The following DNAAF9 variants were observed in gnomAD, a reference collection of about 807,000 sequenced individuals.
DNAAF9 encodes dynein axonemal assembly factor 9.
In DNAAF9, 90 loss-of-function variants were observed where a neutral mutation model predicts 167.0. The ratio of observed to expected loss-of-function variants is 0.54; its 90% CI spans 0.45 to 0.64. The LOEUF (loss-of-function observed/expected upper bound fraction) is 0.64. Ranked by LOEUF, DNAAF9 falls within the 30% of genes least tolerant of loss-of-function variation. The probability of loss-of-function intolerance (pLI) is 0.00; values close to 1 mark genes in which losing one functional copy is unlikely to be tolerated. For synonymous variants in DNAAF9, 491 were observed against 508.8 expected (o/e 0.96, Z 0.47); for missense variants, 1,315 against 1,442.2 (o/e 0.91, Z 1.43).
intron 6 of DNAAF9, among the ~76,000 whole-genome samples, chr20:3,370,544 G>T (rs1419407352): frequency 1.3e-5 from 2 of 152,062 alleles, no homozygotes. Flanking sequence ...TGAGTAGCTG[G>T]GATGACAGGT....
chr20:3,293,572 C>T (rs2069006183), intron 25 of DNAAF9, among the ~76,000 whole-genome samples: 1 of 150,530 alleles, frequency 6.6e-6, no homozygotes, highest in Non-Finnish European at 1.5e-5. Context: ...GTAATCCCAG[C>T]TACTCAGGAG....
At position 3,294,235 on chromosome 20, in the gene DNAAF9, G is replaced by A; in HGVS notation, c.2142C>T (p.Ile714=). The A allele has an allele frequency of 6.2e-7, 1 of 1,611,762 alleles. No individual in the cohort carries two copies. Among genetic ancestry groups the A allele is most frequent in the Non-Finnish European group, 8.5e-7 (1 of 1,177,876 alleles). ...ELDWFLQHFA[I]SSISQEPVMR... is the part of the protein sequence containing the mutation. ...TCACAGGCTCCTGGCTAATGCTGCT[G>A]ATGGCGAAATGCTGGAGAAACCTAA... The change falls in exon 25 of 37, where the codon ATC becomes ATT. Residue 714 remains isoleucine, a synonymous_variant. Transcript: ENST00000252032.
intron 36 of DNAAF9, among the ~76,000 whole-genome samples, chr20:3,253,016 C>T (rs2068219813): frequency 6.6e-6 from 1 of 152,222 alleles, no homozygotes; most frequent in Non-Finnish European, 1.5e-5. Context: ...GATATCACCG[C>T]AGCTGCATCC....
intron 14 of DNAAF9, 106 bp from the exon 15 acceptor site, chr20:3,322,802 T>C: frequency 1.2e-6 from 1 of 827,928 alleles, no homozygotes; most frequent in Admixed American, 1.7e-5. Flanking sequence ...GTGAGGTGTG[T>C]GTCATCCTTG....
At chr20:3,303,241 C>CAAA (rs778026384) in intron 21 of DNAAF9, among the ~76,000 whole-genome samples, 17 of 118,032 alleles carry the variant, frequency 1.4e-4, no homozygotes, top group East Asian at 4.9e-4. Flanking sequence ...GACTCTGTCT[C>CAAA]AAAAAAAAAA....
At position 3,340,596 on chromosome 20, in the gene DNAAF9, G is replaced by T; in HGVS notation, c.889C>A (p.Arg297=). The change falls in exon 10 of 37, where the codon CGA becomes AGA. Residue 297 remains arginine (R), a synonymous_variant. Transcript: ENST00000252032. ...PFVLFGNHST[R]ENLNAGNFNF... ...AAGTTGCCAGCATTCAGGTTTTCTC[G>T]TGTGGAGTGATTACCAAAGAGAACA... is the stretch of plus-strand genomic sequence containing the variant. 1.2e-6 allele frequency: 2 copies of T among 1,613,572 alleles called. No homozygotes were observed. Among genetic ancestry groups the T allele is most frequent in the Non-Finnish European group, 1.7e-6 (2 of 1,179,544 alleles).
intron 28 of DNAAF9, among the ~76,000 whole-genome samples, chr20:3,279,360 T>C (rs1451361492): frequency 4.6e-5 from 7 of 152,244 alleles, no homozygotes; most frequent in African/African-American, 1.2e-4. Context: ...TGCTTCTCTT[T>C]ATGTACATGC....
chr20:3,263,421 C>T (rs891677224), intron 31 of DNAAF9, among the ~76,000 whole-genome samples: 2 of 152,190 alleles, frequency 1.3e-5, no homozygotes, highest in African/African-American at 4.8e-5. Flanking sequence ...ACAATGTCTT[C>T]CCCTAAACCT....
At chr20:3,301,180 T>C (rs1174995969) in intron 21 of DNAAF9, among the ~76,000 whole-genome samples, 1 of 28,070 alleles carries the variant, frequency 3.6e-5, no homozygotes, top group African/African-American at 1.3e-4. Context: ...ATGCTTGGCT[T>C]TTTTTTTTTT....
intron 3 of DNAAF9, among the ~76,000 whole-genome samples, chr20:3,379,136 A>C (rs1196828697): frequency 6.6e-6 from 1 of 151,898 alleles, no homozygotes; most frequent in African/African-American, 2.4e-5. Flanking sequence ...GTAAAATGTA[A>C]CATGCCTCAA....
intron 16 of DNAAF9, among the ~76,000 whole-genome samples, chr20:3,319,451 A>T (rs1193085326): frequency 6.6e-6 from 1 of 152,138 alleles, no homozygotes; most frequent in East Asian, 1.9e-4. Context: ...TCCGGGAAGA[A>T]GCCAGCAGAA....
chr20:3,397,675 G>C (rs1373460833), intron 1 of DNAAF9, among the ~76,000 whole-genome samples: 4 of 150,496 alleles, frequency 2.7e-5, no homozygotes, highest in South Asian at 4.2e-4. Context: ...TTATATTAGT[G>C]GTTTAAATCA....
intron 6 of DNAAF9, among the ~76,000 whole-genome samples, chr20:3,371,341 T>G (rs1035382137): frequency 0.021 from 2,653 of 128,264 alleles, 81 homozygotes; most frequent in African/African-American, 0.029. Flanking sequence ...ATCTTTTTTT[T>G]TTTTTTTTTT....
intron 20 of DNAAF9, 39 bp downstream of exon 20, chr20:3,314,994 C>A (rs780831776): frequency 1.4e-5 from 17 of 1,179,498 alleles, no homozygotes; most frequent in Non-Finnish European, 2.2e-5. Flanking sequence ...AATGAGGGAC[C>A]CAGACATGGC....
chr20:3,289,506 GCTTT>G (rs2068911931), intron 26 of DNAAF9, among the ~76,000 whole-genome samples: 1 of 151,924 alleles, frequency 6.6e-6, no homozygotes, highest in African/African-American at 2.4e-5. Context: ...AACCTTCCCT[GCTTT>G]ATTTTCTGTT....
At chr20:3,407,374 G>A (rs2084077193) in intron 1 of DNAAF9, 101 bp downstream of exon 1, 2 of 989,614 alleles carry the variant, frequency 2.0e-6, no homozygotes. Flanking sequence ...CCGTCCCGAG[G>A]AAGCCATGTC....
At chr20:3,305,903 C>T (rs1452736620) in intron 20 of DNAAF9, among the ~76,000 whole-genome samples, 1 of 152,172 alleles carries the variant, frequency 6.6e-6, no homozygotes, top group African/African-American at 2.4e-5. Flanking sequence ...TTTCTGTGCA[C>T]ACTGCCTTTT....
intron 6 of DNAAF9, among the ~76,000 whole-genome samples, 181 bp from the exon 7 acceptor site, chr20:3,359,774 A>G (rs1171322468): frequency 6.6e-6 from 1 of 152,240 alleles, no homozygotes; most frequent in Non-Finnish European, 1.5e-5. Flanking sequence ...CCATACAAGG[A>G]AACTATTTTT....
chr20:3,336,136 T>A (rs988488929), intron 10 of DNAAF9, among the ~76,000 whole-genome samples: 11 of 152,044 alleles, frequency 7.2e-5, no homozygotes, highest in Non-Finnish European at 4.4e-5. Context: ...AAAAAAATAT[T>A]TTTTGTCTGT....
Sources: allele counts gnomAD v4.1 joint callset (sites outside exome capture counted in the v4.1 genomes callset), GRCh38; gene constraint gnomAD v4.1.1; transcripts MANE v1.5; gene names NCBI Gene and HGNC (gene_info 2026-07-23, HGNC 2026-07-21).